Variants in KALRN observed in about 807,000 individuals in gnomAD.
The protein encoded by KALRN is kalirin RhoGEF kinase, also known as kalirin.
Under a neutral mutation model 353.7 loss-of-function variants are expected in KALRN, and 70 were observed. That is an observed-to-expected ratio of 0.20 (90% CI 0.16 to 0.24). The LOEUF (loss-of-function observed/expected upper bound fraction) is 0.24, where lower values mean the gene tolerates loss of function less well. Ranked by LOEUF, KALRN falls within the 10% of genes least tolerant of loss-of-function variation. KALRN has a pLI of 1.00. For missense variants in KALRN, 2,791 were observed against 3,756.7 expected, an observed-to-expected ratio of 0.74 and a Z score of 6.72; for synonymous variants, 1,391 against 1,434.8, an observed-to-expected ratio of 0.97 and a Z score of 0.69.
chr3:124,041,862 G>A (rs1289079507), intron 1 of KALRN, among the ~76,000 whole-genome samples: 1 of 152,224 alleles, frequency 6.6e-6, no homozygotes, highest in Non-Finnish European at 1.5e-5. Flanking sequence ...CGAGGGAACA[G>A]AAAGAATCAA....
intron 34 of KALRN, among the ~76,000 whole-genome samples, chr3:124,598,214 A>C (rs2076448544): frequency 6.6e-6 from 1 of 152,186 alleles, no homozygotes; most frequent in African/African-American, 2.4e-5. Flanking sequence ...GTCCATCTGA[A>C]ATCACAGCTT....
intron 39 of KALRN, among the ~76,000 whole-genome samples, chr3:124,656,856 A>T (rs1350173323): frequency 6.6e-6 from 1 of 152,128 alleles, no homozygotes; most frequent in African/African-American, 2.4e-5. Flanking sequence ...TGGAAGAGGT[A>T]CAATAGCTTC....
At chr3:124,490,221 G>A (rs1289922395) in intron 29 of KALRN, among the ~76,000 whole-genome samples, 1 of 152,008 alleles carries the variant, frequency 6.6e-6, no homozygotes, top group African/African-American at 2.4e-5. Flanking sequence ...TCATGCCACT[G>A]CAAAAAAAAT....
rs779791900 is a variant in KALRN at position 124,107,480 on chromosome 3, G to A, written c.73+73667G>A. ...CAGCTAGAGACAATGTGGTTGGAACGCAGTTGAAATTATAGAGACTTTTCC... is the reference window on the plus strand; with the variant it reads ...CAGCTAGAGACAATGTGGTTGGAACACAGTTGAAATTATAGAGACTTTTCC... On this transcript the variant is annotated intron_variant, in intron 1 of 59. Coordinates refer to ENST00000682506, the MANE Select transcript of KALRN (RefSeq NM_001388419.1). Among the ~76,000 whole-genome samples the A allele has an allele frequency of 3.3e-5, 5 of 152,176 alleles. No individual in the cohort carries two copies. In the South Asian group the frequency reaches 8.3e-4, roughly 25 times the overall value.
chr3:124,361,341 A>G (rs1460510061), intron 10 of KALRN, among the ~76,000 whole-genome samples: 1 of 152,240 alleles, frequency 6.6e-6, no homozygotes, highest in Non-Finnish European at 1.5e-5. Context: ...GAAATAATCC[A>G]CCCACTTGGT....
intron 33 of KALRN, among the ~76,000 whole-genome samples, chr3:124,532,607 A>T (rs572863032): frequency 6.6e-6 from 1 of 152,290 alleles, no homozygotes; most frequent in South Asian, 2.1e-4. Context: ...GGAGTTCAGA[A>T]CCAGCCTGGC....
At chr3:124,582,614 T>C (rs1357108770) in intron 34 of KALRN, among the ~76,000 whole-genome samples, 1 of 152,208 alleles carries the variant, frequency 6.6e-6, no homozygotes, top group Non-Finnish European at 1.5e-5. Context: ...AAGGTTTTTT[T>C]ATGAGGATAA....
intron 9 of KALRN, among the ~76,000 whole-genome samples, chr3:124,345,642 A>AT (rs1021532835): frequency 2.0e-5 from 3 of 152,176 alleles, no homozygotes; most frequent in African/African-American, 7.2e-5. Flanking sequence ...AGATGAATTC[A>AT]TTTTTTATTT....
chr3:124,394,364 C>A (rs1320732862), intron 11 of KALRN, among the ~76,000 whole-genome samples: 1 of 152,224 alleles, frequency 6.6e-6, no homozygotes, highest in African/African-American at 2.4e-5. Context: ...AGCTCTCTGG[C>A]AGGCCACTGG....
chr3:124,447,345 A>G (rs2093874317), intron 21 of KALRN, among the ~76,000 whole-genome samples: 1 of 152,112 alleles, frequency 6.6e-6, no homozygotes, highest in Admixed American at 6.5e-5. Context: ...TTTCTGAGCT[A>G]TTTCCATCTG....
intron 3 of KALRN, among the ~76,000 whole-genome samples, chr3:124,259,903 C>T (rs894572937): frequency 4.6e-5 from 7 of 152,158 alleles, no homozygotes; most frequent in African/African-American, 1.7e-4. Flanking sequence ...AGCAAAGACC[C>T]TTCTTCTACT....
intron 5 of KALRN, among the ~76,000 whole-genome samples, chr3:124,282,379 CT>C (rs34148546): frequency 1.4e-3 from 191 of 134,746 alleles, no homozygotes; most frequent in Non-Finnish European, 1.5e-3. Context: ...CTACATTTTT[CT>C]TTTTTTTTTT....
intron 1 of KALRN, among the ~76,000 whole-genome samples, chr3:124,108,936 A>T (rs1288940262): frequency 6.6e-6 from 1 of 152,158 alleles, no homozygotes; most frequent in African/African-American, 2.4e-5. Context: ...ATAATTTGGG[A>T]TGCTTTTGGC....
intron 33 of KALRN, among the ~76,000 whole-genome samples, chr3:124,529,189 A>G (rs1561228603): frequency 6.6e-6 from 1 of 152,220 alleles, no homozygotes; most frequent in Non-Finnish European, 1.5e-5. Flanking sequence ...CCCAGTACCT[A>G]TGCTAGTATC....
intron 3 of KALRN, among the ~76,000 whole-genome samples, chr3:124,264,053 T>C (rs1580227463): frequency 7.3e-6 from 1 of 137,916 alleles, no homozygotes; most frequent in South Asian, 2.3e-4. Flanking sequence ...TTTTGGACTT[T>C]GGATTTTTTT....
At position 124,161,004 on chromosome 3, in the gene KALRN, G is replaced by A. The variant is rs1215138626; in HGVS notation, c.74-66986G>A. Among the ~76,000 whole-genome samples the A allele has an allele frequency of 2.6e-5, 4 of 152,174 alleles. No homozygotes were observed. In the South Asian group the frequency reaches 6.2e-4, roughly 24 times the overall value. On this transcript the variant is annotated intron_variant, in intron 1 of 59. Transcript: ENST00000682506. Reference sequence around the variant, plus strand: ...CACATACTGTGTGAAAAGTAATGAAGGTTTCAGTTTGAGATGATGAAGTTC... The same window carrying A: ...CACATACTGTGTGAAAAGTAATGAAAGTTTCAGTTTGAGATGATGAAGTTC...
intron 42 of KALRN, 50 bp downstream of exon 42, chr3:124,658,567 A>C: frequency 7.2e-7 from 1 of 1,386,340 alleles, no homozygotes; most frequent in East Asian, 2.3e-5. Context: ...AACTCAGGCC[A>C]AAACAGCCAC....
At chr3:124,211,035 C>G (rs2076856554) in intron 1 of KALRN, among the ~76,000 whole-genome samples, 1 of 152,188 alleles carries the variant, frequency 6.6e-6, no homozygotes, top group African/African-American at 2.4e-5. Flanking sequence ...GAGCTGACAG[C>G]ATGTGGATAA....
At chr3:124,097,616 C>G (rs745437938) in intron 1 of KALRN, among the ~76,000 whole-genome samples, 1 of 152,156 alleles carries the variant, frequency 6.6e-6, no homozygotes, top group Non-Finnish European at 1.5e-5. Context: ...TAGGAAAAGG[C>G]AGGAAACATT....
Sources: allele counts gnomAD v4.1 joint callset (sites outside exome capture counted in the v4.1 genomes callset), GRCh38; gene constraint gnomAD v4.1.1; transcripts MANE v1.5; gene names NCBI Gene and HGNC (gene_info 2026-07-23, HGNC 2026-07-21).